Variants in GMPS observed in about 807,000 individuals in gnomAD.
GMPS encodes the protein GMP synthase [glutamine-hydrolyzing].
GMPS carries 15 observed loss-of-function variants against 77.9 expected under a neutral mutation model. The ratio of observed to expected loss-of-function variants is 0.19; its 90% CI spans 0.13 to 0.30. The LOEUF (loss-of-function observed/expected upper bound fraction) is 0.30, where lower values mean the gene tolerates loss of function less well. Among genes scored for constraint, GMPS ranks in the 10% least tolerant of loss-of-function variants. The pLI is 1.00. For synonymous variants in GMPS, 224 were observed against 275.9 expected (o/e 0.81, Z 1.86); for missense variants, 590 against 838.8 (o/e 0.70, Z 3.66).
chr3:155,901,218 A>G (rs1489515818), intron 3 of GMPS, among the ~76,000 whole-genome samples: 2 of 152,002 alleles, frequency 1.3e-5, no homozygotes, highest in Admixed American at 6.6e-5. Flanking sequence ...GGCTTTATGC[A>G]TATGTTTATA....
intron 2 of GMPS, among the ~76,000 whole-genome samples, chr3:155,897,568 A>G (rs1754632241): frequency 6.6e-6 from 1 of 152,160 alleles, no homozygotes; most frequent in Non-Finnish European, 1.5e-5. Context: ...GAAGACCTGT[A>G]TTTTCACCAT....
intron 2 of GMPS, chr3:155,895,530 T>A (rs1754582281): frequency 6.6e-6 from 1 of 152,190 alleles, no homozygotes. Flanking sequence ...AGTCTGGTCT[T>A]GAACTCCTGA....
intron 10 of GMPS, among the ~76,000 whole-genome samples, chr3:155,920,877 T>C (rs910346037): frequency 1.3e-5 from 2 of 152,186 alleles, no homozygotes; most frequent in Non-Finnish European, 2.9e-5. Flanking sequence ...TTTTCTGTTG[T>C]AGTAAAGCAG....
chr3:155,880,877 C>T (rs116037097), intron 1 of GMPS, among the ~76,000 whole-genome samples: 2,370 of 151,872 alleles, frequency 0.016, 80 homozygotes, highest in African/African-American at 0.055. Context: ...GTCTTTCCTT[C>T]ATTAGTTACC....
intron 5 of GMPS, among the ~76,000 whole-genome samples, chr3:155,908,481 A>G (rs958764094): frequency 5.9e-5 from 9 of 152,212 alleles, no homozygotes; most frequent in African/African-American, 1.9e-4. Context: ...TGTGAAAAGA[A>G]CCCGGTTTTT....
intron 2 of GMPS, 99 bp from the exon 3 acceptor site, chr3:155,897,828 G>A: frequency 7.5e-6 from 5 of 663,414 alleles, no homozygotes; most frequent in African/African-American, 7.2e-5. Context: ...CGCAATTTCT[G>A]GATCTGTGTT....
In GMPS at chr3:155,893,621, G is replaced by A; in HGVS notation, c.131G>A (p.Arg44Lys). 1 of 1,611,300 alleles carries A rather than the reference G, an allele frequency of 6.2e-7. No homozygotes were observed. Among genetic ancestry groups the A allele is most frequent in the East Asian group, 2.2e-5 (1 of 44,856 alleles). Residue 44 changes from arginine (R) to lysine (K), a missense_variant, in exon 2 of 16, where the codon AGA becomes AAA. This residue lies in a region of GMPS where 136 missense variants were observed against 225.6 expected (regional missense o/e 0.60). Transcript: ENST00000496455. ...CAGTACGGGAAAGTCATAGACCGAAGAGTGAGGGAACTGTTCGTGCAGTCT... is the reference window on the plus strand; with the variant it reads ...CAGTACGGGAAAGTCATAGACCGAAAAGTGAGGGAACTGTTCGTGCAGTCT... Reference protein sequence around the residue: ...GAQYGKVIDRRVRELFVQSEI... With the variant: ...GAQYGKVIDRKVRELFVQSEI...
At chr3:155,895,145 T>G (rs1274080264) in intron 2 of GMPS, among the ~76,000 whole-genome samples, 2 of 152,208 alleles carry the variant, frequency 1.3e-5, no homozygotes, top group Non-Finnish European at 2.9e-5. Context: ...GTGTCTAGGT[T>G]CAGCTTGTAC....
Position 155,939,747 on chromosome 3 carries a change from C to A in GMPS, c.*2055C>A. ...TGACATGACATAGTTTCTTAAAAAT[C>A]CAAATTTTCTGGAACTCAGAAATTT... On this transcript the variant is annotated 3_prime_UTR_variant, in exon 16 of 16. Transcript: ENST00000496455. The A allele has an allele frequency of 5.1e-6, 1 of 194,798 alleles. No individual in the cohort carries two copies. 12.1% of individuals were successfully genotyped at this position (194,798 alleles called of 1,614,324 possible). A position where few individuals can be genotyped will look rare whatever the true frequency, so the allele number is the denominator to read the frequency against.
At chr3:155,869,958 C>CT (rs1753860302), upstream of GMPS, among the ~76,000 whole-genome samples, 1 of 152,158 alleles carries the variant, frequency 6.6e-6, no homozygotes, top group Non-Finnish European at 1.5e-5. Context: ...ACTGCAGCCC[C>CT]TTCCCCACAA....
chr3:155,900,702 ATGT>A, intron 3 of GMPS, among the ~76,000 whole-genome samples: 1 of 152,288 alleles, frequency 6.6e-6, no homozygotes, highest in Non-Finnish European at 1.5e-5. Context: ...AGGCCTGCTG[ATGT>A]TAAATGCATA....
intron 1 of GMPS, among the ~76,000 whole-genome samples, chr3:155,889,004 G>A (rs2097338646): frequency 6.6e-6 from 1 of 152,170 alleles, no homozygotes; most frequent in African/African-American, 2.4e-5. Context: ...TGGTATTACA[G>A]GCTTTAGTCA....
At chr3:155,919,155 C>T in intron 9 of GMPS, 78 bp from the exon 10 acceptor site, 1 of 639,232 alleles carries the variant, frequency 1.6e-6, no homozygotes, top group Non-Finnish European at 2.8e-6. Flanking sequence ...ACAGGAAAAG[C>T]CAATAATTTA....
rs758029220 is a variant in GMPS at position 155,937,730 on chromosome 3, A to C, written c.*38A>C. 1 of 887,934 alleles carries C rather than the reference A, an allele frequency of 1.1e-6. No homozygotes were observed. The highest frequency in any genetic ancestry group is 1.9e-6 in the Non-Finnish European group (1 of 527,294). 55.0% of individuals were successfully genotyped at this position (887,934 alleles called of 1,614,324 possible). A position where few individuals can be genotyped will look rare whatever the true frequency, so the allele number is the denominator to read the frequency against. Reference sequence around the variant, plus strand: ...TCTATTAAAGTACCGTGTGCAGTTTAAATTGATTAGAAATCATTCCCATTA... The same window carrying C: ...TCTATTAAAGTACCGTGTGCAGTTTCAATTGATTAGAAATCATTCCCATTA... On this transcript the variant is annotated 3_prime_UTR_variant, in exon 16 of 16. Transcript: ENST00000496455.
intron 10 of GMPS, among the ~76,000 whole-genome samples, chr3:155,920,603 GAAAA>G (rs1201642645): frequency 2.0e-4 from 29 of 141,590 alleles, no homozygotes; most frequent in Non-Finnish European, 4.2e-4. Context: ...AAAAAAAAAA[GAAAA>G]GAATGATCTG....
chr3:155,925,413 TTC>T, intron 12 of GMPS, 47 bp downstream of exon 12: 2 of 1,473,618 alleles, frequency 1.4e-6, no homozygotes, highest in Non-Finnish European at 9.2e-7. Flanking sequence ...TTTTTTTTTT[TTC>T]TTTTCTTGAG....
intron 9 of GMPS, among the ~76,000 whole-genome samples, chr3:155,917,775 A>G (rs1755222973): frequency 6.6e-6 from 1 of 152,164 alleles, no homozygotes; most frequent in South Asian, 2.1e-4. Flanking sequence ...TGGGAGGCTG[A>G]GGCAGGAGAA....
At chr3:155,918,739 C>A (rs1755246267) in intron 9 of GMPS, among the ~76,000 whole-genome samples, 2 of 152,064 alleles carry the variant, frequency 1.3e-5, no homozygotes, top group South Asian at 4.2e-4. Flanking sequence ...GCCTAGTACC[C>A]ATTAGCTTTG....
chr3:155,937,462 A>G, intron 15 of GMPS, 129 bp from the exon 16 acceptor site: 1 of 613,380 alleles, frequency 1.6e-6, no homozygotes, highest in South Asian at 2.1e-5. Context: ...TTAATCAGAA[A>G]CCATCCCATA....
Sources: allele counts gnomAD v4.1 joint callset (sites outside exome capture counted in the v4.1 genomes callset), GRCh38; gene constraint gnomAD v4.1.1; regional missense constraint gnomAD v4.1.1; transcripts MANE v1.5; gene names NCBI Gene and HGNC (gene_info 2026-07-23, HGNC 2026-07-21).